Variants in GSE1 observed in about 807,000 individuals in gnomAD.
The protein encoded by GSE1 is Gse1 coiled-coil protein, also known as genetic suppressor element 1.
GSE1 carries 32 observed loss-of-function variants against 112.6 expected under a neutral mutation model. That is an observed-to-expected ratio of 0.28 (90% CI 0.21 to 0.38). GSE1 has a LOEUF of 0.38. GSE1 is among the 10% of genes least tolerant of loss of function. GSE1 has a pLI of 1.00. For missense variants in GSE1, 2,348 were observed against 1,699.2 expected (o/e 1.38, Z -6.71); for synonymous variants, 1,115 against 735.6 (o/e 1.52, Z -8.35).
intron 2 of GSE1, among the ~76,000 whole-genome samples, chr16:85,534,240 G>A (rs1306764059): frequency 1.3e-5 from 2 of 151,478 alleles, no homozygotes; most frequent in Admixed American, 6.6e-5. Context: ...TCCCACCTCA[G>A]CCTCCCAAAT....
chr16:85,313,532 C>G (rs114674257), intron 1 of GSE1, among the ~76,000 whole-genome samples: 10 of 152,150 alleles, frequency 6.6e-5, no homozygotes, highest in Non-Finnish European at 8.8e-5. Flanking sequence ...CCCCCACCCC[C>G]CTGATCCCCT....
rs531603508 is a variant in GSE1 at position 85,530,601 on chromosome 16, C to G, written c.2465-103313C>G. 3.9e-5 allele frequency among the ~76,000 whole-genome samples: 6 copies of G among 152,332 alleles called. No individual in the cohort carries two copies. In the South Asian group the frequency reaches 6.2e-4, roughly 16 times the overall value. On this transcript the variant is annotated intron_variant, in intron 2 of 2. Coordinates refer to the GSE1 transcript ENST00000637419. ...CCTTGGGTGACATGCCTGCGACCCA[C>G]TCCATGAGGATTACAGCCTGCAACG...
At chr16:85,425,444 C>T (rs1326760891) in intron 2 of GSE1, among the ~76,000 whole-genome samples, 1 of 152,120 alleles carries the variant, frequency 6.6e-6, no homozygotes, top group Admixed American at 6.5e-5. Flanking sequence ...GCTGGAGCTG[C>T]GAGTGTCAGG....
Position 85,450,422 on chromosome 16 carries a change from T to C in GSE1, c.2464+92779T>C, listed in dbSNP as rs532340231. Among the ~76,000 whole-genome samples the C allele has an allele frequency of 8.6e-5, 13 of 151,494 alleles. 2 individuals are homozygous for C. The highest frequency in any genetic ancestry group is 3.1e-4 in the African/African-American group (13 of 41,290). On this transcript the variant is annotated intron_variant, in intron 2 of 2. Coordinates refer to the GSE1 transcript ENST00000637419. ...CATGAGCCACCGTGCCCAGCCACCT[T>C]ACTGTTTTTTTATTTCTTTATTTTT...
intron 2 of GSE1, among the ~76,000 whole-genome samples, chr16:85,397,679 C>G (rs1275761829): frequency 6.6e-6 from 1 of 152,208 alleles, no homozygotes; most frequent in Non-Finnish European, 1.5e-5. Flanking sequence ...GCCATCTGGC[C>G]CCCTCTGGAG....
intron 3 of GSE1, among the ~76,000 whole-genome samples, chr16:85,649,540 G>A (rs527579502): frequency 6.6e-6 from 1 of 152,270 alleles, no homozygotes; most frequent in African/African-American, 2.4e-5. Flanking sequence ...CACTGACTGG[G>A]GCCTGCCTGT....
intron 1 of GSE1, among the ~76,000 whole-genome samples, chr16:85,202,898 C>A (rs1248786254): frequency 6.6e-6 from 1 of 152,136 alleles, no homozygotes; most frequent in Non-Finnish European, 1.5e-5. Flanking sequence ...CCTGGCTGTG[C>A]CCCAGCTCTG....
chr16:85,545,770 TG>T (rs1459108511), intron 2 of GSE1, among the ~76,000 whole-genome samples: 1 of 151,428 alleles, frequency 6.6e-6, no homozygotes, highest in Non-Finnish European at 1.5e-5. Flanking sequence ...TTTGTTTTTT[TG>T]GTTTGTTTGT....
chr16:85,282,144 C>T (rs2044875600), intron 1 of GSE1, among the ~76,000 whole-genome samples: 1 of 152,060 alleles, frequency 6.6e-6, no homozygotes, highest in South Asian at 2.1e-4. Flanking sequence ...TCTCCTGCCT[C>T]AGCCTCTCGA....
intron 1 of GSE1, among the ~76,000 whole-genome samples, chr16:85,246,586 T>C (rs1905863154): frequency 6.8e-6 from 1 of 148,014 alleles, no homozygotes; most frequent in African/African-American, 2.5e-5. Flanking sequence ...GTCGTCTAAT[T>C]ATCCCCGGCC....
At chr16:85,390,194 G>A (rs1027150963) in intron 2 of GSE1, among the ~76,000 whole-genome samples, 1 of 152,182 alleles carries the variant, frequency 6.6e-6, no homozygotes, top group Non-Finnish European at 1.5e-5. Flanking sequence ...TGAAATCTGG[G>A]ACAGTCGCTG....
chr16:85,390,043 C>T (rs1198959185), intron 2 of GSE1, among the ~76,000 whole-genome samples: 1 of 152,194 alleles, frequency 6.6e-6, no homozygotes, highest in African/African-American at 2.4e-5. Context: ...GGGGCCTAGG[C>T]TGGGATTCAG....
intron 1 of GSE1, among the ~76,000 whole-genome samples, chr16:85,626,125 G>T (rs1056176405): frequency 2.6e-5 from 4 of 151,970 alleles, no homozygotes; most frequent in African/African-American, 9.7e-5. Flanking sequence ...AGCCTGGGGG[G>T]GTGTTTTTAT....
At chr16:85,185,863 G>A (rs866134803) in intron 1 of GSE1, among the ~76,000 whole-genome samples, 1 of 152,264 alleles carries the variant, frequency 6.6e-6, no homozygotes, top group Non-Finnish European at 1.5e-5. Flanking sequence ...CCCTGCGGGG[G>A]CTGGGAGGGC....
chr16:85,484,805 C>T (rs993295758), intron 2 of GSE1, among the ~76,000 whole-genome samples: 2 of 152,252 alleles, frequency 1.3e-5, no homozygotes, highest in Non-Finnish European at 2.9e-5. Flanking sequence ...GGTGGCCCCT[C>T]TTCTGTAGCC....
At chr16:85,236,136 A>C (rs1904637329) in intron 1 of GSE1, among the ~76,000 whole-genome samples, 1 of 151,934 alleles carries the variant, frequency 6.6e-6, no homozygotes, top group South Asian at 2.1e-4. Flanking sequence ...GGGCCACCGG[A>C]CCGGAAAAGA....
chr16:85,442,632 T>TTG (rs1481489493), intron 2 of GSE1, among the ~76,000 whole-genome samples: 2 of 152,172 alleles, frequency 1.3e-5, no homozygotes, highest in African/African-American at 2.4e-5. Context: ...CTGTTAGATT[T>TTG]TGTGCCTGCT....
intron 1 of GSE1, among the ~76,000 whole-genome samples, chr16:85,577,599 G>A (rs1170210627): frequency 6.6e-6 from 1 of 152,198 alleles, no homozygotes; most frequent in Non-Finnish European, 1.5e-5. Context: ...CACAGAGGAG[G>A]GGCTGACCCC....
chr16:85,579,650 C>T (rs115388426), intron 1 of GSE1, among the ~76,000 whole-genome samples: 1,823 of 152,254 alleles, frequency 0.012, 36 homozygotes, highest in African/African-American at 0.042. Flanking sequence ...GTTTTTGGTG[C>T]GGCCTCCCGT....
Sources: gnomAD v4.1 joint callset for allele counts (sites outside exome capture counted in the v4.1 genomes callset) on GRCh38, gnomAD v4.1.1 for gene constraint, MANE v1.5 for transcripts, NCBI Gene and HGNC (gene_info 2026-07-23, HGNC 2026-07-21) for gene names.